The following CDH1 variants were observed in gnomAD, a reference collection of about 807,000 sequenced individuals.
CDH1 encodes cadherin-1.
In CDH1, 35 loss-of-function variants were observed where a neutral mutation model predicts 84.5. The observed-to-expected ratio is 0.41, with a 90% CI of 0.32 to 0.55. The LOEUF (loss-of-function observed/expected upper bound fraction) is 0.55. Ranked by LOEUF, CDH1 falls within the 20% of genes least tolerant of loss-of-function variation. CDH1 has a pLI of 0.19. For synonymous variants in CDH1, 417 were observed against 439.0 expected, an observed-to-expected ratio of 0.95 and a Z score of 0.63; for missense variants, 994 against 1,126.6, an observed-to-expected ratio of 0.88 and a Z score of 1.68.
chr16:68,770,724 C>A (rs1775246468), intron 2 of CDH1, among the ~76,000 whole-genome samples: 1 of 150,734 alleles, frequency 6.6e-6, no homozygotes, highest in African/African-American at 2.4e-5. Flanking sequence ...GAAGAGAATT[C>A]CAAGCAGAGG....
At chr16:68,786,275 G>A (rs555190130) in intron 2 of CDH1, among the ~76,000 whole-genome samples, 9 of 152,048 alleles carry the variant, frequency 5.9e-5, no homozygotes, top group African/African-American at 1.7e-4. Context: ...GGGTTCAAGC[G>A]ATTCTCCTGC....
rs2152131995 is a variant in CDH1, at chr16:68,811,759, C to T, written c.908C>T (p.Thr303Ile). The stretch of plus-strand genomic sequence containing the variant: ...ACCTACAATGCCGCCATCGCTTACA[C>T]CATCCTCAGCCAAGATCCTGAGCTC... ...VNTYNAAIAY[T>I]ILSQDPELPD... Residue 303 changes from threonine to isoleucine, a missense_variant, in exon 7 of 16, where the codon ACC (threonine) becomes ATC (isoleucine). Physicochemically the swap from Thr to Ile is moderately conservative, Grantham distance 89. Coordinates refer to ENST00000261769, the MANE Select transcript of CDH1 (RefSeq NM_004360.5). 1.2e-6 allele frequency: 2 copies of T among 1,614,112 alleles called. No homozygotes were observed. Among genetic ancestry groups the T allele is most frequent in the South Asian group, 1.1e-5 (1 of 91,076 alleles).
At chr16:68,768,885 T>C (rs1959462576) in intron 2 of CDH1, among the ~76,000 whole-genome samples, 1 of 152,238 alleles carries the variant, frequency 6.6e-6, no homozygotes, top group Non-Finnish European at 1.5e-5. Flanking sequence ...CTCAGGGCCA[T>C]GGTGCCTGCT....
At chr16:68,812,093 A>G (rs2152132413) in intron 7 of CDH1, 42 bp from the exon 8 acceptor site, 5 of 1,613,712 alleles carry the variant, frequency 3.1e-6, no homozygotes, top group African/African-American at 2.7e-5. Context: ...AAAGGTGGCT[A>G]GTGTTCCTGG....
intron 3 of CDH1, among the ~76,000 whole-genome samples, chr16:68,802,269 A>T (rs1394598196): frequency 6.6e-6 from 1 of 152,094 alleles, no homozygotes. Flanking sequence ...CAGCCGTGCT[A>T]TTTACTACTT....
intron 2 of CDH1, among the ~76,000 whole-genome samples, chr16:68,788,432 G>A (rs1234244853): frequency 1.3e-5 from 2 of 152,102 alleles, no homozygotes; most frequent in Non-Finnish European, 2.9e-5. Context: ...TGGGCCTATT[G>A]GTAGTCAAGC....
At chr16:68,813,701 G>A (rs1200656654) in intron 9 of CDH1, 17 of 698,012 alleles carry the variant, frequency 2.4e-5, no homozygotes, top group East Asian at 7.9e-5. Flanking sequence ...GGTGGCTCAC[G>A]CCTGTAATCC....
At chr16:68,823,337 C>T (rs978398769) in intron 12 of CDH1, 62 bp from the exon 13 acceptor site, 3 of 1,223,882 alleles carry the variant, frequency 2.5e-6, no homozygotes, top group East Asian at 2.3e-5. Flanking sequence ...CAATTTTATT[C>T]TGGAATGAGC....
At position 68,822,176 on chromosome 16, in the gene CDH1, A is replaced by G. The variant is rs886052236; in HGVS notation, c.1887A>G (p.Glu629=). Residue 629 remains glutamate (E), a synonymous_variant, in exon 12 of 16, where the codon GAA becomes GAG. Coordinates refer to ENST00000261769, the MANE Select transcript of CDH1 (RefSeq NM_004360.5). ...CCAATACATCTCCCTTCACAGCAGA[A>G]CTAACACACGGGGCGAGTGCCAACT... ...LPPNTSPFTA[E]LTHGASANWT... is the part of the protein sequence containing the mutation. 6.2e-7 allele frequency: 1 copy of G among 1,614,150 alleles called. No homozygotes were observed. Among genetic ancestry groups the G allele is most frequent in the Non-Finnish European group, 8.5e-7 (1 of 1,180,014 alleles).
intron 2 of CDH1, among the ~76,000 whole-genome samples, chr16:68,781,662 C>T (rs1372943055): frequency 2.0e-5 from 3 of 151,998 alleles, no homozygotes; most frequent in Admixed American, 6.6e-5. Context: ...TCTTTATTGA[C>T]AGGGTCTCAC....
At chr16:68,780,738 G>T (rs536733880) in intron 2 of CDH1, among the ~76,000 whole-genome samples, 1 of 152,196 alleles carries the variant, frequency 6.6e-6, no homozygotes, top group Admixed American at 6.5e-5. Context: ...GGCTAGTACT[G>T]CACCTCATTC....
At chr16:68,827,813 A>C (rs1961360722) in intron 13 of CDH1, among the ~76,000 whole-genome samples, 1 of 151,288 alleles carries the variant, frequency 6.6e-6, no homozygotes. Flanking sequence ...TGGCCTCCTC[A>C]CCTTCCCTCC....
intron 2 of CDH1, among the ~76,000 whole-genome samples, chr16:68,753,344 T>G (rs936829944): frequency 7.1e-6 from 1 of 140,024 alleles, no homozygotes; most frequent in African/African-American, 2.5e-5. Context: ...CTTGTAAATC[T>G]TTTTTTTTTC....
chr16:68,742,482 C>T (rs1452912367), intron 2 of CDH1: 6 of 161,508 alleles, frequency 3.7e-5, no homozygotes, highest in South Asian at 2.0e-4. Context: ...GTTTCGACTA[C>T]GGCCATACCA....
chr16:68,796,919 C>T (rs916403043), intron 2 of CDH1, among the ~76,000 whole-genome samples: 3 of 152,106 alleles, frequency 2.0e-5, no homozygotes, highest in African/African-American at 7.2e-5. Context: ...TGGTGGATCG[C>T]TTGAGGCCAG....
intron 2 of CDH1, among the ~76,000 whole-genome samples, chr16:68,774,794 T>G (rs1169705170): frequency 6.6e-6 from 1 of 152,128 alleles, no homozygotes; most frequent in East Asian, 1.9e-4. Flanking sequence ...GATGGGACTT[T>G]TCAATATTTC....
chr16:68,781,097 C>T (rs2113201), intron 2 of CDH1, among the ~76,000 whole-genome samples: 43,927 of 152,130 alleles, frequency 0.29, 6,411 homozygotes, highest in Middle Eastern at 0.33. Context: ...TCTCCATGTT[C>T]TCCTCTCACC....
chr16:68,835,241 A>G lies in CDH1; in HGVS notation c.*1742A>G, dbSNP rs1961605649. 4.4e-6 allele frequency: 1 copy of G among 229,838 alleles called. No homozygotes were observed. The highest frequency in any genetic ancestry group is 5.7e-5 in the Admixed American group (1 of 17,664). The allele number at this position is 229,838 out of a possible 1,614,324, so 14.2% of individuals were successfully genotyped here. ...CTCTTTTTATTTAAATGTGAATTTC[A>G]ACTTTTGACAATCAAAGAAAAGACT... On this transcript the variant is annotated 3_prime_UTR_variant, in exon 16 of 16. Coordinates refer to ENST00000261769, the MANE Select transcript of CDH1 (RefSeq NM_004360.5).
At chr16:68,804,102 CTTTTTTTTTTTTTTTTTTTTT>C (rs10563852) in intron 3 of CDH1, among the ~76,000 whole-genome samples, 1 of 75,070 alleles carries the variant, frequency 1.3e-5, no homozygotes, top group Non-Finnish European at 2.6e-5. Context: ...ATCTGTCTGC[CTTTTTTTTTTTTTTTTTTTTT>C]TTTTTTTTGA....
Sources: gnomAD v4.1 joint callset for allele counts (sites outside exome capture counted in the v4.1 genomes callset) on GRCh38, gnomAD v4.1.1 for gene constraint, MANE v1.5 for transcripts, NCBI Gene and HGNC (gene_info 2026-07-23, HGNC 2026-07-21) for gene names.